The following PHF21B variants were observed in gnomAD, a reference collection of about 807,000 sequenced individuals.
The protein encoded by PHF21B is PHD finger protein 4.
Under a neutral mutation model 62.2 loss-of-function variants are expected in PHF21B, and 22 were observed. That is an observed-to-expected ratio of 0.35 (90% CI 0.25 to 0.51). The LOEUF is 0.51. Among genes scored for constraint, PHF21B ranks in the 20% least tolerant of loss-of-function variants. The pLI, the probability that PHF21B is intolerant of heterozygous loss-of-function variation, is 0.97. For missense variants in PHF21B, 701 were observed against 707.9 expected, an observed-to-expected ratio of 0.99 and a Z score of 0.11; for synonymous variants, 341 against 314.7, an observed-to-expected ratio of 1.08 and a Z score of -0.88.
chr22:44,976,551 T>A (rs2072741393), intron 2 of PHF21B, among the ~76,000 whole-genome samples: 1 of 152,188 alleles, frequency 6.6e-6, no homozygotes, highest in African/African-American at 2.4e-5. Context: ...ACACAGTTGG[T>A]TTCATGCACT....
intron 2 of PHF21B, among the ~76,000 whole-genome samples, chr22:44,925,270 T>C (rs1159871972): frequency 1.3e-5 from 2 of 152,240 alleles, no homozygotes; most frequent in African/African-American, 4.8e-5. Flanking sequence ...TCTAAATACA[T>C]GCAGCTCATT....
rs1328169421 is a variant in PHF21B at position 44,888,113 on chromosome 22, G to C, written c.1047C>G (p.Ile349Met). The C allele has an allele frequency of 6.5e-7, 1 of 1,528,002 alleles. No homozygotes were observed. The highest frequency in any genetic ancestry group is 1.4e-5 in the African/African-American group (1 of 72,128). The allele number at this position is 1,528,002 out of a possible 1,614,324, so 94.7% of individuals were successfully genotyped here. The change falls in exon 10 of 13, where the codon ATC becomes ATG. Residue 349 changes from isoleucine (I) to methionine (M), a missense_variant. Physicochemically the swap from Ile to Met is conservative, Grantham distance 10 (BLOSUM62 1). Transcript: ENST00000313237. ...ANEDPCWKNE[I>M]THDEHCAACK... The stretch of plus-strand genomic sequence containing the variant: ...AGGCGGCACAGTGCTCATCGTGGGT[G>C]ATCTCGTTCTGGAAGAGAAGGGAGG...
chr22:44,955,716 G>A (rs538437167), intron 2 of PHF21B, among the ~76,000 whole-genome samples: 24 of 152,252 alleles, frequency 1.6e-4, no homozygotes, highest in Middle Eastern at 3.4e-3. Context: ...CAGCACCGGC[G>A]TTCCAGAGTC....
chr22:44,971,405 G>C (rs1320751335), intron 2 of PHF21B: 1 of 152,140 alleles, frequency 6.6e-6, no homozygotes, highest in African/African-American at 2.4e-5. Flanking sequence ...TTCGGGGTAG[G>C]CAGCAGAAGG....
chr22:44,996,134 A>AT (rs1232419104), intron 2 of PHF21B, among the ~76,000 whole-genome samples: 1 of 152,138 alleles, frequency 6.6e-6, no homozygotes, highest in African/African-American at 2.4e-5. Flanking sequence ...GTGCTGGGCC[A>AT]TGCTGCCCCC....
Position 44,891,328 on chromosome 22 carries a change from G to T in PHF21B, c.993C>A (p.Asn331Lys). The T allele has an allele frequency of 6.2e-7, 1 of 1,614,030 alleles. No individual in the cohort carries two copies. The highest frequency in any genetic ancestry group is 1.3e-5 in the African/African-American group (1 of 75,064). The stretch of plus-strand genomic sequence containing the variant: ...TACCTCTCGCTGTGAGGAACAGGGG[G>T]TTGTTGAGATAGTTGGAGGCCAGCC... ...RKRLASNYLNNPLFLTARANE... is the reference protein window; with the variant it reads ...RKRLASNYLNKPLFLTARANE... The change falls in exon 8 of 13, where the codon AAC (asparagine) becomes AAA (lysine). Residue 331 changes from asparagine to lysine, a missense_variant. By Grantham distance (94) the Asn-to-Lys change is moderately conservative (BLOSUM62 0). Coordinates refer to ENST00000313237, the MANE Select transcript of PHF21B (RefSeq NM_138415.5).
chr22:44,947,293 C>T lies in PHF21B; in HGVS notation c.121-26803G>A, dbSNP rs117407277. Among the ~76,000 whole-genome samples, 710 of 152,260 alleles carry T rather than the reference C, an allele frequency of 4.7e-3. 3 individuals carry two copies. Among genetic ancestry groups the T allele is most frequent in the Non-Finnish European group, 7.5e-3 (507 of 68,012 alleles). ...TACTCGGCACCAAGCATTCTGTTCA[C>T]GTTCATGATCTCATTTAAAATGATC... On this transcript the variant is annotated intron_variant, in intron 2 of 12. Transcript: ENST00000313237.
intron 2 of PHF21B, among the ~76,000 whole-genome samples, chr22:44,969,420 C>T (rs1281769344): frequency 6.6e-6 from 1 of 152,214 alleles, no homozygotes; most frequent in Non-Finnish European, 1.5e-5. Flanking sequence ...AATTCCAGCA[C>T]TTTGGGAGGC....
intron 2 of PHF21B, among the ~76,000 whole-genome samples, chr22:44,987,428 T>C (rs2147495837): frequency 6.6e-6 from 1 of 152,222 alleles, no homozygotes; most frequent in South Asian, 2.1e-4. Context: ...CGGTTCTGCT[T>C]CACACTTCCA....
intron 2 of PHF21B, among the ~76,000 whole-genome samples, chr22:44,962,144 G>T (rs1238186934): frequency 3.3e-5 from 5 of 152,126 alleles, no homozygotes; most frequent in Admixed American, 6.6e-5. Context: ...TGGGATTGCT[G>T]GGTCGAATGA....
chr22:44,953,633 C>T (rs763309947), intron 2 of PHF21B, among the ~76,000 whole-genome samples: 3 of 152,118 alleles, frequency 2.0e-5, no homozygotes, highest in Non-Finnish European at 4.4e-5. Context: ...GGAGATTCCC[C>T]AGGGGAGGCC....
chr22:44,980,249 GC>G (rs899288869), intron 2 of PHF21B, among the ~76,000 whole-genome samples: 1 of 152,120 alleles, frequency 6.6e-6, no homozygotes, highest in African/African-American at 2.4e-5. Context: ...AGCATGTCTG[GC>G]CCCCAGTGGA....
chr22:44,912,215 C>T (rs1216527376), intron 5 of PHF21B, among the ~76,000 whole-genome samples: 1 of 152,178 alleles, frequency 6.6e-6, no homozygotes, highest in South Asian at 2.1e-4. Flanking sequence ...AGGGACTTGC[C>T]TTGTCTCGGA....
intron 9 of PHF21B, among the ~76,000 whole-genome samples, chr22:44,888,360 G>T (rs931852357): frequency 2.0e-5 from 3 of 152,212 alleles, no homozygotes; most frequent in Non-Finnish European, 4.4e-5. Flanking sequence ...AGGGGCTGGG[G>T]CACTGAGCAT....
chr22:44,888,176 C>T (rs1174546817), intron 9 of PHF21B, 55 bp from the exon 10 acceptor site: 2 of 1,435,382 alleles, frequency 1.4e-6, no homozygotes, highest in South Asian at 1.5e-5. Context: ...GCAGCGGGGG[C>T]CGGTCAGCCA....
intron 2 of PHF21B, among the ~76,000 whole-genome samples, chr22:44,964,228 CCT>C (rs375849754): frequency 6.0e-4 from 92 of 152,356 alleles, no homozygotes; most frequent in African/African-American, 2.2e-3. Flanking sequence ...AGGCCTCAAC[CCT>C]CTGTCTTCCC....
chr22:44,917,278 C>G (rs2071455096), intron 3 of PHF21B, among the ~76,000 whole-genome samples: 1 of 152,190 alleles, frequency 6.6e-6, no homozygotes, highest in South Asian at 2.1e-4. Flanking sequence ...TGAACTGGGC[C>G]AGGTCCCTCA....
chr22:45,002,686 A>T (rs2073241788), intron 2 of PHF21B, among the ~76,000 whole-genome samples: 1 of 152,070 alleles, frequency 6.6e-6, no homozygotes, highest in Non-Finnish European at 1.5e-5. Flanking sequence ...ACTCCTACAC[A>T]CATCTTCCTG....
In PHF21B at chr22:44,882,798, C is replaced by A. The variant is rs2070761558; in HGVS notation, c.*288G>T. On this transcript the variant is annotated 3_prime_UTR_variant, in exon 13 of 13. Transcript: ENST00000313237. ...GCCGTGGAGAGCAGGGCCTGGAAGC[C>A]AGAGGCCCAGGCAGCCCCGAGGTGG... 2.7e-6 allele frequency: 1 copy of A among 366,142 alleles called. No individual in the cohort carries two copies. The highest frequency in any genetic ancestry group is 2.1e-5 in the African/African-American group (1 of 47,664). The allele number at this position is 366,142 out of a possible 1,614,324, so 22.7% of individuals were successfully genotyped here.
Sources: allele counts gnomAD v4.1 joint callset (sites outside exome capture counted in the v4.1 genomes callset), GRCh38; gene constraint gnomAD v4.1.1; transcripts MANE v1.5; gene names NCBI Gene and HGNC (gene_info 2026-07-23, HGNC 2026-07-21).